The following ARID5B variants were observed in gnomAD, a reference collection of about 807,000 sequenced individuals.
ARID5B encodes AT-rich interactive domain-containing protein 5B.
In ARID5B, 13 loss-of-function variants were observed where a neutral mutation model predicts 97.2. The ratio of observed to expected loss-of-function variants is 0.13; its 90% CI spans 0.09 to 0.21. The LOEUF (loss-of-function observed/expected upper bound fraction) is 0.21. Ranked by LOEUF, ARID5B falls within the 10% of genes least tolerant of loss-of-function variation. ARID5B has a pLI of 1.00. For missense variants in ARID5B, 1,210 were observed against 1,465.3 expected (o/e 0.83, Z 2.84); for synonymous variants, 556 against 570.3 (o/e 0.97, Z 0.36).
intron 2 of ARID5B, among the ~76,000 whole-genome samples, chr10:61,910,799 A>C (rs576501195): frequency 1.3e-5 from 2 of 152,194 alleles, no homozygotes; most frequent in African/African-American, 4.8e-5. Context: ...TTAAAGATGG[A>C]TATTTGACAT....
chr10:61,914,525 T>C (rs1362261738), intron 2 of ARID5B, among the ~76,000 whole-genome samples: 1 of 152,238 alleles, frequency 6.6e-6, no homozygotes, highest in South Asian at 2.1e-4. Context: ...ACCATCTCCA[T>C]ACATTGTAGT....
intron 5 of ARID5B, among the ~76,000 whole-genome samples, chr10:62,053,450 G>A (rs1026454840): frequency 3.3e-5 from 5 of 152,286 alleles, no homozygotes; most frequent in East Asian, 3.9e-4. Flanking sequence ...GTTTTCCAAC[G>A]GAGAGAGAAT....
chr10:62,074,053 TAAAAA>T (rs1244761931), intron 8 of ARID5B, among the ~76,000 whole-genome samples: 1 of 152,226 alleles, frequency 6.6e-6, no homozygotes, highest in Admixed American at 6.5e-5. Flanking sequence ...TTTCCCTTTT[TAAAAA>T]ATGTTTTTAA....
At chr10:61,982,400 T>C (rs1838788870) in intron 3 of ARID5B, among the ~76,000 whole-genome samples, 1 of 152,132 alleles carries the variant, frequency 6.6e-6, no homozygotes, top group African/African-American at 2.4e-5. Context: ...TCTGTTGAAG[T>C]GGAAACATAA....
chr10:62,033,078 T>G (rs1839517882), intron 4 of ARID5B, among the ~76,000 whole-genome samples: 1 of 152,154 alleles, frequency 6.6e-6, no homozygotes, highest in South Asian at 2.1e-4. Context: ...CCAGATTAAA[T>G]TCTGTTCAAT....
At chr10:61,987,695 A>G (rs1006202489) in intron 3 of ARID5B, among the ~76,000 whole-genome samples, 2 of 152,262 alleles carry the variant, frequency 1.3e-5, no homozygotes, top group African/African-American at 2.4e-5. Context: ...GTGCATGACT[A>G]TGTTGTAATA....
chr10:62,063,266 T>A (rs1371131106), intron 7 of ARID5B, among the ~76,000 whole-genome samples: 1 of 152,186 alleles, frequency 6.6e-6, no homozygotes, highest in Admixed American at 6.5e-5. Flanking sequence ...AGTCAAGAAG[T>A]ATGGATAATG....
intron 2 of ARID5B, among the ~76,000 whole-genome samples, chr10:61,919,624 A>C (rs1185923738): frequency 6.6e-6 from 1 of 152,226 alleles, no homozygotes; most frequent in Admixed American, 6.5e-5. Flanking sequence ...CTCCTCGCCA[A>C]ATGATTCCAA....
intron 2 of ARID5B, among the ~76,000 whole-genome samples, chr10:61,928,473 G>A (rs145547310): frequency 0.014 from 2,159 of 152,050 alleles, 56 homozygotes; most frequent in African/African-American, 0.049. Context: ...GCTCATTTTT[G>A]TATTTTTTGT....
chr10:61,911,586 T>C (rs1294545222), intron 2 of ARID5B, among the ~76,000 whole-genome samples: 3 of 152,194 alleles, frequency 2.0e-5, no homozygotes, highest in Non-Finnish European at 4.4e-5. Flanking sequence ...AAAATAATAG[T>C]GCTTCCAGTC....
At chr10:62,024,081 C>A (rs1043304683) in intron 4 of ARID5B, among the ~76,000 whole-genome samples, 6 of 152,204 alleles carry the variant, frequency 3.9e-5, no homozygotes, top group Non-Finnish European at 5.9e-5. Flanking sequence ...CCTTATTCAT[C>A]CATCCATCTG....
At chr10:61,938,764 A>G (rs889297501) in intron 2 of ARID5B, among the ~76,000 whole-genome samples, 1 of 151,974 alleles carries the variant, frequency 6.6e-6, no homozygotes, top group African/African-American at 2.4e-5. Flanking sequence ...CTAAAGTTTT[A>G]CTTTTCATTT....
chr10:62,089,528 CTTT>C (rs34423923), intron 9 of ARID5B, among the ~76,000 whole-genome samples: 12 of 101,530 alleles, frequency 1.2e-4, no homozygotes, highest in Non-Finnish European at 1.8e-4. Context: ...CCTTCTTTTT[CTTT>C]TTTTTTTTTT....
At position 61,940,275 on chromosome 10, in the gene ARID5B, C is replaced by G. The variant is rs971595380; in HGVS notation, c.369C>G (p.Gly123=). ...CTGATTTCTCCAAGTGGAGATGTGG[C>G]TTCCACGCTGGACCAGTGAAAACTG... ...VHSDFSKWRC[G]FHAGPVKTEA... The change falls in exon 3 of 10, where the codon GGC becomes GGG. Residue 123 remains glycine (G), a synonymous_variant. Transcript: ENST00000279873. 1 of 1,614,168 alleles carries G rather than the reference C, an allele frequency of 6.2e-7. No homozygotes were observed. Among genetic ancestry groups the G allele is most frequent in the African/African-American group, 1.3e-5 (1 of 75,046 alleles).
In ARID5B at chr10:62,092,329, C is replaced by T. The variant is rs952373984; in HGVS notation, c.2866C>T (p.Arg956Trp). 6 of 1,612,836 alleles carry T rather than the reference C, an allele frequency of 3.7e-6. No individual in the cohort carries two copies. Among genetic ancestry groups the T allele is most frequent in the Non-Finnish European group, 5.1e-6 (6 of 1,179,456 alleles). ...QSRDCHPKACRVSPMTMSGPK... is the reference protein window; with the variant it reads ...QSRDCHPKACWVSPMTMSGPK... ...TCGAGACTGTCACCCCAAAGCCTGT[C>T]GGGTATCACCCATGACCATGTCAGG... is the stretch of plus-strand genomic sequence containing the variant. Residue 956 changes from arginine (R) to tryptophan (W), a missense_variant, in exon 10 of 10, where the codon CGG (arginine) becomes TGG (tryptophan). By Grantham distance (101) the Arg-to-Trp change is moderately radical. Around this residue, in one of 8 missense-constraint regions of ARID5B, gnomAD observed 800 missense variants for 839.1 expected, o/e 0.95. Transcript: ENST00000279873.
intron 4 of ARID5B, among the ~76,000 whole-genome samples, chr10:62,005,163 ACAC>A (rs1839130674): frequency 6.6e-6 from 1 of 152,224 alleles, no homozygotes; most frequent in South Asian, 2.1e-4. Context: ...ATATGAAAAT[ACAC>A]ATTCTGCTGG....
intron 8 of ARID5B, among the ~76,000 whole-genome samples, chr10:62,083,440 C>T (rs1564647149): frequency 6.6e-6 from 1 of 152,036 alleles, no homozygotes; most frequent in Non-Finnish European, 1.5e-5. Flanking sequence ...GCTCTCAGAA[C>T]CCAGAGTGAG....
chr10:62,062,824 G>T (rs1025568663), intron 7 of ARID5B, among the ~76,000 whole-genome samples: 2 of 146,452 alleles, frequency 1.4e-5, no homozygotes, highest in Non-Finnish European at 3.0e-5. Flanking sequence ...CTGTGCCCCA[G>T]TTCATAGCCT....
At chr10:61,973,216 G>A (rs927535497) in intron 3 of ARID5B, among the ~76,000 whole-genome samples, 10 of 152,144 alleles carry the variant, frequency 6.6e-5, no homozygotes, top group Admixed American at 2.6e-4. Context: ...TGTATGTGGC[G>A]GGGGAGGGGA....
Sources: gnomAD v4.1 joint callset for allele counts (sites outside exome capture counted in the v4.1 genomes callset) on GRCh38, gnomAD v4.1.1 for gene constraint, gnomAD v4.1.1 regional missense constraint, MANE v1.5 for transcripts, NCBI Gene and HGNC (gene_info 2026-07-23, HGNC 2026-07-21) for gene names.